ABCB1: variants seen among roughly 807,000 people sequenced by gnomAD.
ABCB1 encodes the protein ATP-dependent translocase ABCB1.
A neutral mutation model predicts 142.0 loss-of-function variants in ABCB1; 69 were observed. The ratio of observed to expected loss-of-function variants is 0.49; its 90% CI spans 0.40 to 0.59. ABCB1 has a LOEUF of 0.59. ABCB1 is among the 20% of genes least tolerant of loss of function. ABCB1 has a pLI of 0.00. For synonymous variants in ABCB1, 532 were observed against 539.2 expected (o/e 0.99, Z 0.18); for missense variants, 1,326 against 1,554.7 (o/e 0.85, Z 2.47).
intron 19 of ABCB1, 49 bp from the exon 20 acceptor site, chr7:87,536,590 C>A: frequency 6.3e-7 from 1 of 1,578,730 alleles, no homozygotes; most frequent in South Asian, 1.1e-5. Flanking sequence ...TTATGAGACT[C>A]TCAGCTCCAA....
upstream of ABCB1, chr7:87,601,181 A>G (rs1819443584): frequency 1.3e-5 from 2 of 152,318 alleles, no homozygotes; most frequent in South Asian, 2.1e-4. Context: ...TCATATCCAT[A>G]TAACTACAGG....
In ABCB1 at chr7:87,628,032, G is replaced by A. The variant is rs574432579; in HGVS notation, c.-330-26954C>T. ...TTAGTACTTAGGCCCAAGGTCGGGT[G>A]TGGGAGCCGGCGCGCTGCTTTCTAG... is the stretch of plus-strand genomic sequence containing the variant. On this transcript the variant is annotated intron_variant, in intron 1 of 28. Transcript: ENST00000265724. 5.3e-5 allele frequency among the ~76,000 whole-genome samples: 8 copies of A among 152,336 alleles called. No individual in the cohort carries two copies. The East Asian group carries it at 1.5e-3, about 29-fold the overall frequency.
At chr7:87,527,154 A>C (rs1472171606) in intron 21 of ABCB1, among the ~76,000 whole-genome samples, 3 of 152,102 alleles carry the variant, frequency 2.0e-5, no homozygotes, top group African/African-American at 4.8e-5. Flanking sequence ...TTAAAGCCAA[A>C]TATCTTTCTA....
chr7:87,684,990 T>C (rs993200861), intron 1 of ABCB1, among the ~76,000 whole-genome samples: 30 of 152,026 alleles, frequency 2.0e-4, no homozygotes, highest in Admixed American at 1.2e-3. Context: ...TGTAAAAGTA[T>C]AAAACTCTTA....
intron 13 of ABCB1, 25 bp downstream of exon 13, chr7:87,549,826 A>T: frequency 6.2e-7 from 1 of 1,613,474 alleles, no homozygotes. Flanking sequence ...CACCTCTAGA[A>T]AGGCAAAGGG....
chr7:87,580,968 G>T (rs1272741296), intron 4 of ABCB1, among the ~76,000 whole-genome samples: 1 of 151,512 alleles, frequency 6.6e-6, no homozygotes, highest in African/African-American at 2.4e-5. Context: ...TAGTGTGGTC[G>T]CTCACCTGGT....
At chr7:87,599,990 G>C (rs916604257) in intron 2 of ABCB1, 127 bp downstream of exon 2, 3 of 924,254 alleles carry the variant, frequency 3.2e-6, no homozygotes, top group Admixed American at 2.1e-5. Context: ...GATTCCAAAG[G>C]CTAGCTTGCG....
chr7:87,662,085 TTTTAAG>T (rs1468854022), intron 1 of ABCB1, among the ~76,000 whole-genome samples: 7 of 152,220 alleles, frequency 4.6e-5, no homozygotes, highest in African/African-American at 1.4e-4. Context: ...CTTTTGCCCA[TTTTAAG>T]TTTAATTATT....
intron 1 of ABCB1, among the ~76,000 whole-genome samples, chr7:87,644,563 C>CTAGATGTT (rs1402155536): frequency 6.6e-6 from 1 of 152,074 alleles, no homozygotes; most frequent in African/African-American, 2.4e-5. Context: ...TGTGATGATT[C>CTAGATGTT]TAGATGTTTT....
chr7:87,625,340 C>T (rs1307996380), intron 1 of ABCB1, among the ~76,000 whole-genome samples: 1 of 152,122 alleles, frequency 6.6e-6, no homozygotes, highest in Non-Finnish European at 1.5e-5. Context: ...TCATAGTTCA[C>T]AGTGAAAATA....
intron 4 of ABCB1, among the ~76,000 whole-genome samples, chr7:87,577,490 T>C (rs1024732735): frequency 6.6e-6 from 1 of 152,208 alleles, no homozygotes; most frequent in African/African-American, 2.4e-5. Flanking sequence ...CCCCATACTG[T>C]TCTCCATCAT....
intron 1 of ABCB1, among the ~76,000 whole-genome samples, chr7:87,666,013 G>T (rs1825199587): frequency 6.6e-6 from 1 of 152,106 alleles, no homozygotes. Flanking sequence ...TAATGGGATT[G>T]CTGGGTCGAA....
chr7:87,663,912 T>TTGTA (rs1824962611), intron 1 of ABCB1, among the ~76,000 whole-genome samples: 1 of 152,094 alleles, frequency 6.6e-6, no homozygotes, highest in African/African-American at 2.4e-5. Flanking sequence ...TGGTGACTCT[T>TTGTA]TGTATGATCC....
intron 5 of ABCB1, 97 bp from the exon 6 acceptor site, chr7:87,567,073 G>T (rs1022500812): frequency 8.8e-7 from 1 of 1,134,366 alleles, no homozygotes; most frequent in African/African-American, 1.5e-5. Context: ...ACTTATCTGG[G>T]TATCTCGCCA....
At chr7:87,536,420 C>T in intron 20 of ABCB1, 38 bp downstream of exon 20, 2 of 1,604,626 alleles carry the variant, frequency 1.2e-6, no homozygotes, top group Non-Finnish European at 1.7e-6. Flanking sequence ...TCCAAAATGG[C>T]CAATTAAGAC....
intron 1 of ABCB1, among the ~76,000 whole-genome samples, chr7:87,710,829 A>C (rs938862482): frequency 1.3e-5 from 2 of 152,194 alleles, no homozygotes; most frequent in African/African-American, 4.8e-5. Flanking sequence ...TTGTCAACTA[A>C]ACATACATCT....
intron 9 of ABCB1, among the ~76,000 whole-genome samples, chr7:87,553,413 C>T (rs28381885): frequency 7.4e-4 from 112 of 151,382 alleles, no homozygotes; most frequent in South Asian, 2.5e-3. Flanking sequence ...CTCCGCCTCC[C>T]GGGTTAACGC....
intron 21 of ABCB1, among the ~76,000 whole-genome samples, chr7:87,529,817 A>G (rs1024130273): frequency 1.3e-5 from 2 of 152,242 alleles, no homozygotes; most frequent in Non-Finnish European, 2.9e-5. Context: ...TACAATATTA[A>G]AGGAAGTCAT....
chr7:87,512,066 T>G (rs571002522), intron 25 of ABCB1, among the ~76,000 whole-genome samples: 1 of 152,160 alleles, frequency 6.6e-6, no homozygotes, highest in South Asian at 2.1e-4. Flanking sequence ...CTGTAAGTAT[T>G]GATGATAAAT....
Sources: allele counts gnomAD v4.1 joint callset (sites outside exome capture counted in the v4.1 genomes callset), GRCh38; gene constraint gnomAD v4.1.1; transcripts MANE v1.5; gene names NCBI Gene and HGNC (gene_info 2026-07-23, HGNC 2026-07-21).